SLC30A8: variants seen among roughly 807,000 people sequenced by gnomAD.
The protein encoded by SLC30A8 is proton-coupled zinc antiporter SLC30A8.
Under a neutral mutation model 36.9 loss-of-function variants are expected in SLC30A8, and 27 were observed. That is an observed-to-expected ratio of 0.73 (90% CI 0.54 to 1.01). The LOEUF is 1.01. Among genes scored for constraint, SLC30A8 ranks in the 50% least tolerant of loss-of-function variants. SLC30A8 has a pLI of 0.00. For synonymous variants in SLC30A8, 164 were observed against 172.4 expected (o/e 0.95, Z 0.38); for missense variants, 439 against 452.0 (o/e 0.97, Z 0.26).
chr8:116,988,161 C>T (rs901970490), intron 1 of SLC30A8, among the ~76,000 whole-genome samples: 4 of 152,168 alleles, frequency 2.6e-5, no homozygotes, highest in Non-Finnish European at 4.4e-5. Context: ...TTCTGATAAA[C>T]TCACCCATGC....
chr8:117,088,862 A>T (rs1434514098), intron 2 of SLC30A8, among the ~76,000 whole-genome samples: 1 of 152,156 alleles, frequency 6.6e-6, no homozygotes, highest in African/African-American at 2.4e-5. Context: ...GTGGATCCTG[A>T]TATTGCACCC....
chr8:117,091,021 C>T (rs1819097673), intron 2 of SLC30A8, among the ~76,000 whole-genome samples: 2 of 152,034 alleles, frequency 1.3e-5, no homozygotes, highest in African/African-American at 4.8e-5. Flanking sequence ...TTTCTTCACT[C>T]TTAGAACACA....
chr8:117,143,015 T>A lies in SLC30A8; in HGVS notation c.72-3939T>A, dbSNP rs1821728353. Among the ~76,000 whole-genome samples, 4 of 152,272 alleles carry A rather than the reference T, an allele frequency of 2.6e-5. No homozygotes were observed. The South Asian group carries it at 8.3e-4, about 32-fold the overall frequency. On this transcript the variant is annotated intron_variant, in intron 1 of 7. Transcript: ENST00000456015. Reference sequence around the variant, plus strand: ...TTATCTCCCCTTCTAACAGGAATAGTGATTTGAGGTTCTTGGGAAAATTGA... The same window carrying A: ...TTATCTCCCCTTCTAACAGGAATAGAGATTTGAGGTTCTTGGGAAAATTGA...
intron 2 of SLC30A8, among the ~76,000 whole-genome samples, chr8:117,085,257 T>G (rs114139745): frequency 3.3e-5 from 5 of 152,118 alleles, no homozygotes; most frequent in African/African-American, 1.2e-4. Context: ...TAAAGATTAG[T>G]TCTCTTAAGA....
chr8:116,963,107 T>A (rs1258037713), intron 1 of SLC30A8, among the ~76,000 whole-genome samples: 1 of 152,110 alleles, frequency 6.6e-6, no homozygotes, highest in Admixed American at 6.6e-5. Flanking sequence ...ATCTTCAGGC[T>A]TGAAGGAAAA....
At chr8:117,113,137 G>A (rs1820303234) in intron 2 of SLC30A8, among the ~76,000 whole-genome samples, 1 of 152,134 alleles carries the variant, frequency 6.6e-6, no homozygotes, top group African/African-American at 2.4e-5. Flanking sequence ...GTTTGTTAGA[G>A]AAATACAGAC....
rs1442263704 is a variant in SLC30A8 at position 117,173,848 on chromosome 8, A to T, written c.*1167A>T. ...ATACATTGGCAGCTACAATAGTATC[A>T]TGAATTGCAATGATGTAGTGGGGTA... On this transcript the variant is annotated 3_prime_UTR_variant, in exon 8 of 8. Transcript: ENST00000456015. 2 of 152,174 alleles carry T rather than the reference A, an allele frequency of 1.3e-5. No individual in the cohort carries two copies. The highest frequency in any genetic ancestry group is 2.9e-5 in the Non-Finnish European group (2 of 68,018). 9.4% of individuals were successfully genotyped at this position (152,174 alleles called of 1,614,324 possible). A position where few individuals can be genotyped will look rare whatever the true frequency, so the allele number is the denominator to read the frequency against.
chr8:117,120,440 A>G (rs993596385), intron 2 of SLC30A8, among the ~76,000 whole-genome samples: 3 of 151,930 alleles, frequency 2.0e-5, no homozygotes, highest in Admixed American at 1.3e-4. Context: ...TTGCACCCTT[A>G]TTTTAAACCA....
intron 2 of SLC30A8, among the ~76,000 whole-genome samples, chr8:117,152,502 A>G (rs1465653156): frequency 6.6e-6 from 1 of 152,208 alleles, no homozygotes; most frequent in East Asian, 1.9e-4. Flanking sequence ...GATGCTGATT[A>G]AATTATAAGT....
At chr8:117,106,903 C>T (rs1319654796) in intron 2 of SLC30A8, among the ~76,000 whole-genome samples, 1 of 152,174 alleles carries the variant, frequency 6.6e-6, no homozygotes, top group Non-Finnish European at 1.5e-5. Flanking sequence ...TCTACCTGAC[C>T]TGCATATGCT....
chr8:116,979,208 C>T (rs1362017932), intron 1 of SLC30A8, among the ~76,000 whole-genome samples: 6 of 139,080 alleles, frequency 4.3e-5, no homozygotes, highest in Middle Eastern at 4.1e-3. Flanking sequence ...CATTGCACTC[C>T]AGCCTGGGCA....
At chr8:117,106,561 CAG>C (rs1178935637) in intron 2 of SLC30A8, among the ~76,000 whole-genome samples, 1 of 152,094 alleles carries the variant, frequency 6.6e-6, no homozygotes, top group East Asian at 1.9e-4. Flanking sequence ...GATGAGGACT[CAG>C]AGGTCATATG....
chr8:117,091,007 AT>A (rs1191440082), intron 2 of SLC30A8, among the ~76,000 whole-genome samples: 1 of 152,000 alleles, frequency 6.6e-6, no homozygotes, highest in Non-Finnish European at 1.5e-5. Context: ...CACTTTTTGA[AT>A]TTTTTCTTCA....
chr8:117,057,207 G>C (rs1004081025), intron 2 of SLC30A8, among the ~76,000 whole-genome samples: 4 of 152,096 alleles, frequency 2.6e-5, no homozygotes, highest in Non-Finnish European at 5.9e-5. Flanking sequence ...GGACAAACAA[G>C]CTCCCTGAGA....
At chr8:117,124,031 C>T (rs923464283) in intron 2 of SLC30A8, among the ~76,000 whole-genome samples, 4 of 151,518 alleles carry the variant, frequency 2.6e-5, no homozygotes, top group African/African-American at 9.7e-5. Flanking sequence ...AGGCTCTTGA[C>T]AGGAGATGTC....
chr8:117,009,275 T>C (rs1047454921), intron 1 of SLC30A8, among the ~76,000 whole-genome samples: 19 of 152,154 alleles, frequency 1.2e-4, no homozygotes, highest in Admixed American at 1.2e-3. Context: ...AAGGGAGATA[T>C]TTGAAAGAGC....
chr8:117,071,450 A>G (rs1354098639), intron 2 of SLC30A8, among the ~76,000 whole-genome samples: 1 of 151,942 alleles, frequency 6.6e-6, no homozygotes, highest in African/African-American at 2.4e-5. Context: ...TTGGATATTG[A>G]CCCCTTATCA....
chr8:117,016,985 G>A (rs1487444957), intron 1 of SLC30A8, among the ~76,000 whole-genome samples: 1 of 152,108 alleles, frequency 6.6e-6, no homozygotes, highest in Non-Finnish European at 1.5e-5. Flanking sequence ...TTAAGGTATA[G>A]TAAGGTGGTT....
intron 1 of SLC30A8, among the ~76,000 whole-genome samples, chr8:117,001,692 T>G (rs1816015965): frequency 6.6e-6 from 1 of 152,148 alleles, no homozygotes; most frequent in African/African-American, 2.4e-5. Flanking sequence ...TTAGTTACAT[T>G]GGTTAGGAGA....
Sources: allele counts gnomAD v4.1 joint callset (sites outside exome capture counted in the v4.1 genomes callset), GRCh38; gene constraint gnomAD v4.1.1; transcripts MANE v1.5; gene names NCBI Gene and HGNC (gene_info 2026-07-23, HGNC 2026-07-21).